LPAR1: variants seen among roughly 807,000 people sequenced by gnomAD.
LPAR1 encodes the protein LPA receptor 1.
Under a neutral mutation model 23.8 loss-of-function variants are expected in LPAR1, and 5 were observed. That is an observed-to-expected ratio of 0.21 (90% confidence interval 0.11 to 0.44). The LOEUF (loss-of-function observed/expected upper bound fraction) is 0.44, where lower values mean the gene tolerates loss of function less well. Ranked by LOEUF, LPAR1 falls within the 20% of genes least tolerant of loss-of-function variation. The pLI is 0.99. For synonymous variants in LPAR1, 160 were observed against 164.7 expected, an observed-to-expected ratio of 0.97 and a Z score of 0.22; for missense variants, 311 against 482.8, an observed-to-expected ratio of 0.64 and a Z score of 3.33.
chr9:110,900,058 C>T (rs745922148), intron 5 of LPAR1, among the ~76,000 whole-genome samples: 3 of 152,150 alleles, frequency 2.0e-5, no homozygotes, highest in Non-Finnish European at 2.9e-5. Flanking sequence ...TATTTGTATT[C>T]GTTTTCTATT....
intron 2 of LPAR1, among the ~76,000 whole-genome samples, chr9:111,027,252 A>C (rs1309839827): frequency 6.6e-6 from 1 of 152,120 alleles, no homozygotes; most frequent in East Asian, 1.9e-4. Flanking sequence ...CATGCCTGCA[A>C]TCCCAACAGT....
At chr9:111,035,870 T>C (rs1329615566) in intron 2 of LPAR1, among the ~76,000 whole-genome samples, 2 of 152,218 alleles carry the variant, frequency 1.3e-5, no homozygotes, top group East Asian at 1.9e-4. Context: ...CTTTCCATAC[T>C]AAGCATTTGA....
At chr9:110,880,983 A>C (rs2080604068) in intron 5 of LPAR1, among the ~76,000 whole-genome samples, 1 of 152,198 alleles carries the variant, frequency 6.6e-6, no homozygotes. Context: ...TGCAAAGCTT[A>C]TTCTTCCCCA....
chr9:111,033,316 A>C (rs751450401), intron 2 of LPAR1, among the ~76,000 whole-genome samples: 2 of 152,190 alleles, frequency 1.3e-5, no homozygotes, highest in Non-Finnish European at 2.9e-5. Flanking sequence ...AATGCCAAAG[A>C]GTTTAAATAA....
intron 5 of LPAR1, among the ~76,000 whole-genome samples, chr9:110,929,698 A>ATATGTGTG (rs142684714): frequency 6.8e-6 from 1 of 146,242 alleles, no homozygotes; most frequent in African/African-American, 2.5e-5. Context: ...CCAGCCAATA[A>ATATGTGTG]TGTGTGTGTG....
At chr9:110,953,460 T>C (rs565007539) in intron 4 of LPAR1, among the ~76,000 whole-genome samples, 51 of 152,170 alleles carry the variant, frequency 3.4e-4, no homozygotes, top group Non-Finnish European at 1.0e-4. Context: ...GGTCGGAAGT[T>C]CAAGACCAGC....
intron 5 of LPAR1, among the ~76,000 whole-genome samples, chr9:110,932,003 G>A (rs544760376): frequency 3.2e-4 from 49 of 152,012 alleles, no homozygotes; most frequent in South Asian, 1.0e-3. Flanking sequence ...TTGGCAATGC[G>A]GGAAGTTTTC....
chr9:110,940,267 A>G (rs1472189946), intron 5 of LPAR1, among the ~76,000 whole-genome samples: 1 of 152,132 alleles, frequency 6.6e-6, no homozygotes, highest in East Asian at 1.9e-4. Flanking sequence ...AACAGACGAG[A>G]CCTATGCATC....
intron 5 of LPAR1, among the ~76,000 whole-genome samples, chr9:110,911,832 T>C (rs2092478908): frequency 6.6e-6 from 1 of 152,214 alleles, no homozygotes; most frequent in South Asian, 2.1e-4. Flanking sequence ...ATTGCAGTGG[T>C]CTGGAACCAA....
intron 5 of LPAR1, among the ~76,000 whole-genome samples, chr9:110,877,419 T>C (rs1370560229): frequency 6.6e-6 from 1 of 152,190 alleles, no homozygotes; most frequent in Non-Finnish European, 1.5e-5. Flanking sequence ...CAGGAGATAA[T>C]AGCCAAGGAG....
At chr9:111,005,254 G>A (rs914581681) in intron 2 of LPAR1, among the ~76,000 whole-genome samples, 1 of 151,498 alleles carries the variant, frequency 6.6e-6, no homozygotes, top group African/African-American at 2.4e-5. Flanking sequence ...ACAAAATTGT[G>A]GAAATCCTTT....
chr9:110,904,523 C>T (rs1221252533), intron 5 of LPAR1, among the ~76,000 whole-genome samples: 2 of 151,972 alleles, frequency 1.3e-5, no homozygotes, highest in Non-Finnish European at 2.9e-5. Context: ...AGGTATAATC[C>T]CAAAAGTCCT....
intron 2 of LPAR1, among the ~76,000 whole-genome samples, chr9:110,988,995 T>C (rs1006676891): frequency 3.3e-5 from 5 of 152,202 alleles, no homozygotes; most frequent in Non-Finnish European, 7.3e-5. Flanking sequence ...ACATGCAGTA[T>C]TGTGCATTTT....
At chr9:110,888,580 A>T (rs1234886318) in intron 5 of LPAR1, among the ~76,000 whole-genome samples, 4 of 145,214 alleles carry the variant, frequency 2.8e-5, no homozygotes, top group Admixed American at 2.8e-4. Flanking sequence ...AAAAAAAAAA[A>T]ATCTGCCTTC....
At chr9:111,025,234 T>C (rs975014203) in intron 2 of LPAR1, among the ~76,000 whole-genome samples, 6 of 152,236 alleles carry the variant, frequency 3.9e-5, no homozygotes, top group Non-Finnish European at 7.3e-5. Context: ...TTTTTAATGA[T>C]TGCCATTCTA....
At chr9:110,923,559 G>T (rs550727582) in intron 5 of LPAR1, among the ~76,000 whole-genome samples, 1 of 152,158 alleles carries the variant, frequency 6.6e-6, no homozygotes, top group African/African-American at 2.4e-5. Flanking sequence ...ATGTTCCAAG[G>T]TTATGTGTAT....
rs1161112334 is a variant in LPAR1 at position 110,875,084 on chromosome 9, A to C, written c.*337T>G. 1.1e-5 allele frequency: 2 copies of C among 184,834 alleles called. No individual in the cohort carries two copies. The highest frequency in any genetic ancestry group is 2.2e-5 in the Non-Finnish European group (2 of 90,228). The allele number at this position is 184,834 out of a possible 1,614,324, so 11.4% of individuals were successfully genotyped here. On this transcript the variant is annotated 3_prime_UTR_variant, in exon 6 of 6. Transcript: ENST00000683809. The stretch of plus-strand genomic sequence containing the variant: ...TTGTGGATTCAACTAGCCAGAATTT[A>C]TTCTGACTTGCACCAAACCACACAA...
At position 110,930,270 on chromosome 9, in the gene LPAR1, C is replaced by T. The variant is rs576482378; in HGVS notation, c.793+11151G>A. The stretch of plus-strand genomic sequence containing the variant: ...GGTGGCTCACGCCTGTAATCCAGCA[C>T]TTTGGGAGGCTGAGGCAGGCAGATT... On this transcript the variant is annotated intron_variant, in intron 5 of 5. Coordinates refer to ENST00000683809, the MANE Select transcript of LPAR1 (RefSeq NM_001351411.2). Among the ~76,000 whole-genome samples, 4 of 152,260 alleles carry T rather than the reference C, an allele frequency of 2.6e-5. No individual in the cohort carries two copies. In the East Asian group the frequency reaches 5.8e-4, roughly 22 times the overall value.
chr9:110,931,729 T>G (rs1416785665), intron 5 of LPAR1, among the ~76,000 whole-genome samples: 1 of 152,338 alleles, frequency 6.6e-6, no homozygotes, highest in East Asian at 1.9e-4. Flanking sequence ...CAGTTTCAGC[T>G]TTCTACATAT....
Sources: gnomAD v4.1 joint callset for allele counts (sites outside exome capture counted in the v4.1 genomes callset) on GRCh38, gnomAD v4.1.1 for gene constraint, MANE v1.5 for transcripts, NCBI Gene and HGNC (gene_info 2026-07-23, HGNC 2026-07-21) for gene names.